The following TRMT5 variants were observed in gnomAD, a reference collection of about 807,000 sequenced individuals.
TRMT5 encodes tRNA methyltransferase 5.
A neutral mutation model predicts 42.2 loss-of-function variants in TRMT5; 31 were observed. The ratio of observed to expected loss-of-function variants is 0.73; its 90% CI spans 0.55 to 0.99. TRMT5 has a LOEUF of 0.99. TRMT5 is among the 50% of genes least tolerant of loss of function. The probability of loss-of-function intolerance (pLI) is 0.00; values close to 1 mark genes in which losing one functional copy is unlikely to be tolerated. For missense variants in TRMT5, 568 were observed against 595.0 expected (o/e 0.95, Z 0.47); for synonymous variants, 198 against 209.6 (o/e 0.94, Z 0.48).
chr14:60,981,688 G>A, upstream of TRMT5: 1 of 1,367,914 alleles, frequency 7.3e-7, no homozygotes, highest in Non-Finnish European at 9.6e-7. Flanking sequence ...ACTCACTGCT[G>A]TTAGTTAGTA....
At chr14:60,977,324 C>G (rs1594926128) in intron 3 of TRMT5, among the ~76,000 whole-genome samples, 190 bp downstream of exon 3, 1 of 152,104 alleles carries the variant, frequency 6.6e-6, no homozygotes, top group Non-Finnish European at 1.5e-5. Context: ...CATTGTATCA[C>G]TATATGAGAA....
chr14:60,981,090 C>T (rs2036972985), upstream of TRMT5: 3 of 1,597,046 alleles, frequency 1.9e-6, no homozygotes, highest in Non-Finnish European at 2.6e-6. Flanking sequence ...GACATCATCA[C>T]TGTTCGCCGC....
intron 2 of TRMT5, among the ~76,000 whole-genome samples, 159 bp from the exon 3 acceptor site, chr14:60,977,797 G>C (rs1455860442): frequency 6.6e-6 from 1 of 152,170 alleles, no homozygotes; most frequent in African/African-American, 2.4e-5. Context: ...TTCAACAGAT[G>C]ACTAAAGTTA....
At chr14:60,978,992 T>G (rs1018640381) in intron 2 of TRMT5, among the ~76,000 whole-genome samples, 3 of 152,200 alleles carry the variant, frequency 2.0e-5, no homozygotes, top group African/African-American at 7.2e-5. Context: ...AAGTTTAATC[T>G]ACACTGATGT....
chr14:60,981,563 C>T, upstream of TRMT5: 3 of 1,526,214 alleles, frequency 2.0e-6, no homozygotes, highest in East Asian at 2.5e-5. Context: ...CAGTTATGAA[C>T]GTGATAGCAG....
At position 60,973,741 on chromosome 14, in the gene TRMT5, C is replaced by CT. The variant is rs1353149228; in HGVS notation, c.*1367dup. On this transcript the variant is annotated 3_prime_UTR_variant, in exon 5 of 5. Coordinates refer to ENST00000261249, the MANE Select transcript of TRMT5 (RefSeq NM_020810.3). The stretch of plus-strand genomic sequence containing the variant: ...TATGTCGCTTTCAATGTCCTTAACT[C>CT]TTTAAGCAACTGTTCTTGCCAAAGG... 6.6e-6 allele frequency: 1 copy of CT among 152,238 alleles called. No individual in the cohort carries two copies. The highest frequency in any genetic ancestry group is 1.5e-5 in the Non-Finnish European group (1 of 68,050). 9.4% of individuals were successfully genotyped at this position (152,238 alleles called of 1,614,324 possible). A position where few individuals can be genotyped will look rare whatever the true frequency, so the allele number is the denominator to read the frequency against.
Position 60,974,552 on chromosome 14 carries a change from AATAG to A in TRMT5, c.*553_*556del, listed in dbSNP as rs1323288217. 1 of 152,240 alleles carries A rather than the reference AATAG, an allele frequency of 6.6e-6. No individual in the cohort carries two copies. The highest frequency in any genetic ancestry group is 2.4e-5 in the African/African-American group (1 of 41,468). 9.4% of individuals were successfully genotyped at this position (152,240 alleles called of 1,614,324 possible). On this transcript the variant is annotated 3_prime_UTR_variant, in exon 5 of 5. Coordinates refer to ENST00000261249, the MANE Select transcript of TRMT5 (RefSeq NM_020810.3). ...ATTCTAATTTTTAAAACTGATACAT[AATAG>A]ATGTCATAAAATTTTCACGTCACAA...
At chr14:60,978,678 A>T (rs1472438385) in intron 2 of TRMT5, among the ~76,000 whole-genome samples, 2 of 152,202 alleles carry the variant, frequency 1.3e-5, no homozygotes, top group African/African-American at 4.8e-5. Flanking sequence ...AGGAAAGCCT[A>T]GACTTGACAT....
chr14:60,976,167 C>T, intron 3 of TRMT5, 41 bp from the exon 4 acceptor site: 1 of 1,564,244 alleles, frequency 6.4e-7, no homozygotes, highest in Non-Finnish European at 8.6e-7. Context: ...TTTCCTTGGT[C>T]CTAAATCCTA....
At chr14:60,981,222 G>A (rs149521232), upstream of TRMT5, 7 of 1,555,724 alleles carry the variant, frequency 4.5e-6, no homozygotes, top group African/African-American at 1.4e-5. Flanking sequence ...GACGACTGGA[G>A]CGCAGGGCAG....
At position 60,972,545 on chromosome 14, in the gene TRMT5, G is replaced by T. The variant is rs555107707; in HGVS notation, c.*2564C>A. 5 of 408,492 alleles carry T rather than the reference G, an allele frequency of 1.2e-5. No individual in the cohort carries two copies. Among genetic ancestry groups the T allele is most frequent in the African/African-American group, 6.3e-5 (3 of 47,652 alleles). The allele number at this position is 408,492 out of a possible 1,614,324, so 25.3% of individuals were successfully genotyped here. A position where few individuals can be genotyped will look rare whatever the true frequency, so the allele number is the denominator to read the frequency against. On this transcript the variant is annotated 3_prime_UTR_variant, in exon 5 of 5. Coordinates refer to ENST00000261249, the MANE Select transcript of TRMT5 (RefSeq NM_020810.3). ...GCGGGCTTTGGTCGGTCCAGGGGTCGTTCTTGCCTCTTCTCCTTCACACTG... is the reference window on the plus strand; with the variant it reads ...GCGGGCTTTGGTCGGTCCAGGGGTCTTTCTTGCCTCTTCTCCTTCACACTG...
rs553043130 is a variant in TRMT5 at position 60,976,059 on chromosome 14, G to A, written c.860C>T (p.Thr287Ile). Residue 287 changes from threonine to isoleucine, a missense_variant, in exon 4 of 5, where the codon ACA becomes ATA. By Grantham distance (89) the Thr-to-Ile change is moderately conservative. Transcript: ENST00000261249. ...SKVYWNPRLS[T>I]EHSRITELLK... The stretch of plus-strand genomic sequence containing the variant: ...AAGTTCTGTGATACGGCTGTGTTCT[G>A]TAGACAGACGAGGATTCCAATAGAC... The A allele has an allele frequency of 4.3e-6, 7 of 1,614,112 alleles. No homozygotes were observed. Among genetic ancestry groups the A allele is most frequent in the Admixed American group, 3.3e-5 (2 of 60,000 alleles).
In TRMT5 at chr14:60,975,782, T is replaced by C. The variant is rs1185207630; in HGVS notation, c.1137A>G (p.Lys379=). 6.2e-7 allele frequency: 1 copy of C among 1,614,146 alleles called. No homozygotes were observed. The highest frequency in any genetic ancestry group is 1.1e-5 in the South Asian group (1 of 91,074). ...AGTTCATGACAACGTGCACAGAGGG[T>C]TTTCTTTCTTTTGACAGACCCAGCA... ...MQLLGLSKER[K]PSVHVVMNLP... The change falls in exon 4 of 5, where the codon AAA becomes AAG. Residue 379 remains lysine (K), a synonymous_variant. Transcript: ENST00000261249.
chr14:60,975,377 T>C, intron 4 of TRMT5, 98 bp downstream of exon 4: 11 of 1,462,376 alleles, frequency 7.5e-6, no homozygotes, highest in Non-Finnish European at 1.0e-5. Context: ...AGCTTTCTAT[T>C]AGACTGAACT....
chr14:60,979,533 C>A lies in TRMT5; in HGVS notation c.365G>T (p.Gly122Val), dbSNP rs1171115457. 3 of 1,614,010 alleles carry A rather than the reference C, an allele frequency of 1.9e-6. No homozygotes were observed. The highest frequency in any genetic ancestry group is 8.5e-7 in the Non-Finnish European group (1 of 1,180,026). ...SLKRAALQRP[G>V]IRRVIEDPED... ...CGGATCTTCAATCACACGTCTTATG[C>A]CTGGGCGCTGCAATGCTGCCCTTTT... is the stretch of plus-strand genomic sequence containing the variant. Residue 122 changes from glycine to valine, a missense_variant, in exon 2 of 5, where the codon GGC (glycine) becomes GTC (valine). Coordinates refer to ENST00000261249, the MANE Select transcript of TRMT5 (RefSeq NM_020810.3).
upstream of TRMT5, chr14:60,981,180 G>A: frequency 3.3e-6 from 5 of 1,535,064 alleles, no homozygotes; most frequent in South Asian, 2.4e-5. Context: ...TGCCGGAAGG[G>A]CCGGGCTCAA....
chr14:60,981,434 A>G, upstream of TRMT5: 1 of 1,550,578 alleles, frequency 6.4e-7, no homozygotes, highest in African/African-American at 1.4e-5. Context: ...GCTTCCCTCA[A>G]GTGCCTGCCA....
At chr14:60,980,826 C>G in intron 1 of TRMT5, 137 bp downstream of exon 1, 1 of 1,337,246 alleles carries the variant, frequency 7.5e-7, no homozygotes, top group Non-Finnish European at 1.1e-6. Flanking sequence ...TCCAGAACCT[C>G]GAAACTAAGC....
At chr14:60,979,004 T>C (rs936263256) in intron 2 of TRMT5, among the ~76,000 whole-genome samples, 2 of 152,178 alleles carry the variant, frequency 1.3e-5, no homozygotes, top group Non-Finnish European at 2.9e-5. Context: ...CACTGATGTA[T>C]TGTTGTACAC....
Sources: allele counts gnomAD v4.1 joint callset (sites outside exome capture counted in the v4.1 genomes callset), GRCh38; gene constraint gnomAD v4.1.1; transcripts MANE v1.5; gene names NCBI Gene and HGNC (gene_info 2026-07-23, HGNC 2026-07-21).